DOCK1: variants seen among roughly 807,000 people sequenced by gnomAD.
The protein encoded by DOCK1 is dedicator of cytokinesis 1, also known as dedicator of cytokinesis protein 1.
Under a neutral mutation model 262.7 loss-of-function variants are expected in DOCK1, and 138 were observed. That is an observed-to-expected ratio of 0.53 (90% CI 0.46 to 0.61). The LOEUF (loss-of-function observed/expected upper bound fraction) is 0.61, where lower values mean the gene tolerates loss of function less well. DOCK1 is among the 20% of genes least tolerant of loss of function. The pLI is 0.00. For missense variants in DOCK1, 1,908 were observed against 2,370.7 expected, an observed-to-expected ratio of 0.80 and a Z score of 4.05; for synonymous variants, 866 against 867.4, an observed-to-expected ratio of 1.00 and a Z score of 0.03.
chr10:127,404,636 G>A (rs80143711), intron 40 of DOCK1, among the ~76,000 whole-genome samples: 2,717 of 152,186 alleles, frequency 0.018, 35 homozygotes, highest in Non-Finnish European at 0.03. Flanking sequence ...TGATTTTTCC[G>A]TAAAAGGACC....
chr10:127,154,083 G>A (rs914391327), intron 27 of DOCK1, among the ~76,000 whole-genome samples: 6 of 152,236 alleles, frequency 3.9e-5, no homozygotes, highest in Middle Eastern at 3.4e-3. Context: ...CTCTGCTTTC[G>A]TTGTACAAAA....
intron 40 of DOCK1, among the ~76,000 whole-genome samples, chr10:127,406,250 G>A (rs768589895): frequency 2.6e-4 from 40 of 152,256 alleles, no homozygotes; most frequent in Non-Finnish European, 5.3e-4. Context: ...AGCAGCCTGC[G>A]TGGAATATTA....
intron 27 of DOCK1, among the ~76,000 whole-genome samples, chr10:127,179,481 A>G (rs1390465743): frequency 6.6e-6 from 1 of 152,234 alleles, no homozygotes; most frequent in Non-Finnish European, 1.5e-5. Context: ...GAAAACACCA[A>G]GGAATTTTTG....
rs980610248 is a variant in DOCK1, at chr10:126,933,657, C to T, written c.46+28094C>T. ...CAGGAGGACATACATGCAGGGCAAA[C>T]GGGAGGTTCCGCCCCTGGAAATGAT... On this transcript the variant is annotated intron_variant, in intron 1 of 51. Coordinates refer to ENST00000623213, the MANE Select transcript of DOCK1 (RefSeq NM_001290223.2). 1.3e-3 allele frequency among the ~76,000 whole-genome samples: 199 copies of T among 152,164 alleles called. 2 individuals are homozygous for T. In the East Asian group the frequency reaches 0.034, roughly 26 times the overall value.
At chr10:127,367,677 C>T (rs1045749267) in intron 33 of DOCK1, among the ~76,000 whole-genome samples, 1 of 152,152 alleles carries the variant, frequency 6.6e-6, no homozygotes. Context: ...AGAAGTCCCT[C>T]CTACCTTCAA....
intron 27 of DOCK1, among the ~76,000 whole-genome samples, chr10:127,157,799 T>G (rs1490531605): frequency 1.3e-5 from 2 of 152,240 alleles, no homozygotes; most frequent in Non-Finnish European, 2.9e-5. Flanking sequence ...TTTGGGATCT[T>G]TCTTTTGTTT....
chr10:127,118,854 A>G (rs1486077731), intron 25 of DOCK1, among the ~76,000 whole-genome samples: 2 of 152,234 alleles, frequency 1.3e-5, no homozygotes, highest in Non-Finnish European at 2.9e-5. Flanking sequence ...GCAGAAAGGA[A>G]AAGTGACCTA....
intron 1 of DOCK1, among the ~76,000 whole-genome samples, chr10:126,919,318 G>A (rs866240702): frequency 7.2e-5 from 11 of 152,088 alleles, no homozygotes; most frequent in East Asian, 3.8e-4. Context: ...GGCAAATACC[G>A]ATTTAGCAGG....
At chr10:127,354,768 T>A (rs1296778192) in intron 32 of DOCK1, 41 bp downstream of exon 32, 2 of 1,612,374 alleles carry the variant, frequency 1.2e-6, no homozygotes. Context: ...ATATCTTGCA[T>A]CCCTGGTGGG....
At chr10:127,314,161 G>C (rs1188592252) in intron 29 of DOCK1, among the ~76,000 whole-genome samples, 1 of 152,204 alleles carries the variant, frequency 6.6e-6, no homozygotes, top group Non-Finnish European at 1.5e-5. Context: ...CTGGGGATCC[G>C]AATAATGCCT....
intron 29 of DOCK1, among the ~76,000 whole-genome samples, chr10:127,296,579 A>T (rs185454131): frequency 1.7e-4 from 26 of 152,352 alleles, no homozygotes; most frequent in African/African-American, 4.8e-4. Flanking sequence ...CAGGCAAAGA[A>T]TCTTCCAGAT....
intron 29 of DOCK1, among the ~76,000 whole-genome samples, chr10:127,295,512 C>G (rs897001841): frequency 6.6e-5 from 10 of 151,948 alleles, no homozygotes; most frequent in African/African-American, 2.2e-4. Flanking sequence ...CCATATCGCC[C>G]CCTCCCTACA....
chr10:126,962,877 C>G (rs1394360648), intron 1 of DOCK1, among the ~76,000 whole-genome samples: 3 of 152,022 alleles, frequency 2.0e-5, no homozygotes, highest in Non-Finnish European at 4.4e-5. Flanking sequence ...ATGTTTAGGT[C>G]TTTCATCCAT....
chr10:127,249,692 A>C (rs2059561079), intron 28 of DOCK1, among the ~76,000 whole-genome samples: 2 of 152,208 alleles, frequency 1.3e-5, no homozygotes, highest in South Asian at 4.1e-4. Flanking sequence ...CTAGGTGATA[A>C]GAAGTTTCAG....
At chr10:127,047,522 A>T (rs1475300308) in intron 21 of DOCK1, among the ~76,000 whole-genome samples, 2 of 152,232 alleles carry the variant, frequency 1.3e-5, no homozygotes, top group Admixed American at 1.3e-4. Flanking sequence ...TAAAATTTAA[A>T]AACTTAAAAA....
chr10:127,022,688 G>A (rs1468911096), intron 13 of DOCK1, among the ~76,000 whole-genome samples: 1 of 152,132 alleles, frequency 6.6e-6, no homozygotes, highest in Non-Finnish European at 1.5e-5. Context: ...GAGCCACCTC[G>A]CCTGGCCGGT....
intron 23 of DOCK1, among the ~76,000 whole-genome samples, chr10:127,085,570 T>C (rs1044967893): frequency 6.6e-6 from 1 of 152,132 alleles, no homozygotes; most frequent in Non-Finnish European, 1.5e-5. Context: ...CCATCCTGGC[T>C]AACATAGTGA....
At chr10:127,433,766 G>A (rs1218771012) in intron 48 of DOCK1, among the ~76,000 whole-genome samples, 2 of 152,050 alleles carry the variant, frequency 1.3e-5, no homozygotes, top group East Asian at 3.9e-4. Flanking sequence ...GCCCAGGATG[G>A]CTTTGAATGT....
At chr10:127,379,488 A>G (rs1364967461) in intron 35 of DOCK1, among the ~76,000 whole-genome samples, 1 of 152,246 alleles carries the variant, frequency 6.6e-6, no homozygotes, top group African/African-American at 2.4e-5. Flanking sequence ...ACAGTAGACT[A>G]GCCGCATGTG....
Sources: allele counts gnomAD v4.1 joint callset (sites outside exome capture counted in the v4.1 genomes callset), GRCh38; gene constraint gnomAD v4.1.1; transcripts MANE v1.5; gene names NCBI Gene and HGNC (gene_info 2026-07-23, HGNC 2026-07-21).